Variants in KLHL5 observed in about 807,000 individuals in gnomAD.
KLHL5 encodes the protein kelch like family member 5, also known as kelch-like protein 5.
Under a neutral mutation model 77.7 loss-of-function variants are expected in KLHL5, and 48 were observed. The ratio of observed to expected loss-of-function variants is 0.62; its 90% CI spans 0.49 to 0.79. The LOEUF is 0.79. KLHL5 is among the 30% of genes least tolerant of loss of function. The probability of loss-of-function intolerance (pLI) is 0.00; values close to 1 mark genes in which losing one functional copy is unlikely to be tolerated. For synonymous variants in KLHL5, 260 were observed against 297.0 expected (o/e 0.88, Z 1.28); for missense variants, 723 against 859.7 (o/e 0.84, Z 1.99).
chr4:39,097,178 T>G (rs1721141008), intron 6 of KLHL5, among the ~76,000 whole-genome samples: 1 of 152,204 alleles, frequency 6.6e-6, no homozygotes, highest in South Asian at 2.1e-4. Flanking sequence ...ATCAGTAAGT[T>G]TCCACGGTTC....
the KLHL5 span, among the ~76,000 whole-genome samples, chr4:39,142,272 G>A: frequency 1.3e-5 from 2 of 152,040 alleles, no homozygotes; most frequent in African/African-American, 4.8e-5. Context: ...GCGGGCGCCT[G>A]TAATCCTAGC....
chr4:39,102,306 TG>T (rs1721643232), intron 6 of KLHL5, among the ~76,000 whole-genome samples: 1 of 151,416 alleles, frequency 6.6e-6, no homozygotes, highest in Non-Finnish European at 1.5e-5. Flanking sequence ...TAGAGGGTTT[TG>T]TTTTTTTTGT....
At chr4:39,131,243 AATTT>A (rs1560451460), downstream of KLHL5, among the ~76,000 whole-genome samples, 2 of 152,136 alleles carry the variant, frequency 1.3e-5, no homozygotes, top group Non-Finnish European at 1.5e-5. Context: ...CAAGATATAC[AATTT>A]AATTTATTTT....
intron 5 of KLHL5, among the ~76,000 whole-genome samples, chr4:39,092,502 A>T (rs1310364493): frequency 6.6e-6 from 1 of 152,210 alleles, no homozygotes; most frequent in African/African-American, 2.4e-5. Context: ...AATAGAATTA[A>T]CATAAACATT....
chr4:39,107,821 T>C (rs1722164380), intron 8 of KLHL5, 90 bp downstream of exon 8: 2 of 912,244 alleles, frequency 2.2e-6, no homozygotes, highest in South Asian at 5.1e-5. Flanking sequence ...ACATAAATAC[T>C]TACAGTGATT....
chr4:39,127,169 T>C (rs1210310656), downstream of KLHL5, among the ~76,000 whole-genome samples: 4 of 152,042 alleles, frequency 2.6e-5, no homozygotes, highest in African/African-American at 9.7e-5. Flanking sequence ...GACCCCTGTC[T>C]GTACTAAAAA....
At chr4:39,119,042 C>T (rs1156316084) in intron 10 of KLHL5, among the ~76,000 whole-genome samples, 1 of 152,088 alleles carries the variant, frequency 6.6e-6, no homozygotes, top group Non-Finnish European at 1.5e-5. Context: ...GAATGACACC[C>T]AAGGAGCTCA....
At chr4:39,053,837 A>T (rs575477769) in intron 1 of KLHL5, among the ~76,000 whole-genome samples, 1 of 152,322 alleles carries the variant, frequency 6.6e-6, no homozygotes, top group African/African-American at 2.4e-5. Flanking sequence ...ACTGATAGGT[A>T]GTTGTGGAAT....
chr4:39,139,470 CA>C, the KLHL5 span, among the ~76,000 whole-genome samples: 2 of 151,962 alleles, frequency 1.3e-5, no homozygotes, highest in Non-Finnish European at 2.9e-5. Flanking sequence ...ATTATGGGTG[CA>C]TGTCATTATG....
At chr4:39,057,649 A>G (rs1717093332), upstream of KLHL5, among the ~76,000 whole-genome samples, 1 of 152,342 alleles carries the variant, frequency 6.6e-6, no homozygotes, top group East Asian at 1.9e-4. Context: ...CTTCAAAATC[A>G]TGCAATGCAA....
rs1723458947 is a variant in KLHL5 at position 39,125,144 on chromosome 4, C to T, written c.*4078C>T. Among the ~76,000 whole-genome samples the T allele has an allele frequency of 6.8e-6, 1 of 146,196 alleles. No homozygotes were observed. Among genetic ancestry groups the T allele is most frequent in the Non-Finnish European group, 1.5e-5 (1 of 66,166 alleles). The stretch of plus-strand genomic sequence containing the variant: ...ACACCTATTAGAATGACGAAATAGA[C>T]CTAGGATCTAAACCTACAGGAAAAA... On this transcript the variant is annotated 3_prime_UTR_variant, in exon 11 of 11. Coordinates refer to ENST00000504108, the MANE Select transcript of KLHL5 (RefSeq NM_015990.5).
At position 39,103,290 on chromosome 4, in the gene KLHL5, C is replaced by G. The variant is rs1297119039; in HGVS notation, c.1304C>G (p.Ala435Gly). The part of the protein sequence containing the change: ...AVGGMDSTKG[A>G]TSIEKYDLRT... ...ACTTCTATATATTACTATGAAGGAGCAACAAGCATTGAAAAGTATGATCTC... is the reference window on the plus strand; with the variant it reads ...ACTTCTATATATTACTATGAAGGAGGAACAAGCATTGAAAAGTATGATCTC... The change falls in exon 7 of 11, where the codon GCA becomes GGA. Residue 435 changes from alanine (A) to glycine (G), a missense_variant. Ala to Gly is a moderately conservative substitution (Grantham distance 60). This residue lies in a region of KLHL5 where 288 missense variants were observed against 400.3 expected (regional missense o/e 0.72). Coordinates refer to ENST00000504108, the MANE Select transcript of KLHL5 (RefSeq NM_015990.5). 1 of 1,608,828 alleles carries G rather than the reference C, an allele frequency of 6.2e-7. No homozygotes were observed. The highest frequency in any genetic ancestry group is 1.3e-5 in the African/African-American group (1 of 74,668).
At chr4:39,098,751 A>C (rs1721293940) in intron 6 of KLHL5, among the ~76,000 whole-genome samples, 1 of 152,038 alleles carries the variant, frequency 6.6e-6, no homozygotes, top group Non-Finnish European at 1.5e-5. Context: ...CTTTTAGTAG[A>C]GATGGGGTTT....
intron 1 of KLHL5, among the ~76,000 whole-genome samples, chr4:39,075,723 T>C (rs1349633877): frequency 6.6e-6 from 1 of 152,186 alleles, no homozygotes; most frequent in Admixed American, 6.5e-5. Context: ...AAAAAGATAC[T>C]ACAAAGAATA....
chr4:39,052,921 G>T (rs1716761653), intron 1 of KLHL5, among the ~76,000 whole-genome samples: 1 of 152,168 alleles, frequency 6.6e-6, no homozygotes, highest in African/African-American at 2.4e-5. Flanking sequence ...TCTAATGCAT[G>T]ATTAACACTA....
At chr4:39,129,523 G>A (rs1723719458), downstream of KLHL5, among the ~76,000 whole-genome samples, 1 of 152,106 alleles carries the variant, frequency 6.6e-6, no homozygotes. This position sits in a 1 kb window ranked among gnomAD's most constrained non-coding sequence, Gnocchi z 4.2. Flanking sequence ...TTTTATTTCA[G>A]AGTTAGGGGG....
intron 8 of KLHL5, among the ~76,000 whole-genome samples, chr4:39,110,458 T>C (rs144274243): frequency 2.6e-4 from 39 of 152,252 alleles, no homozygotes; most frequent in Non-Finnish European, 1.8e-4. Flanking sequence ...TGCCAATTAC[T>C]TGCATTCCTT....
At chr4:39,046,036 CT>C (rs71192816) in intron 1 of KLHL5, among the ~76,000 whole-genome samples, 65,258 of 143,616 alleles carry the variant, frequency 0.45, 14,999 homozygotes, top group Middle Eastern at 0.56. Context: ...CCAATCATGA[CT>C]TTTTTTTTTT....
intron 8 of KLHL5, among the ~76,000 whole-genome samples, chr4:39,110,498 G>A (rs189776097): frequency 7.2e-5 from 11 of 151,970 alleles, no homozygotes; most frequent in East Asian, 3.9e-4. Context: ...TAGCTCTGTC[G>A]CCCAGGCTGG....
Sources: gnomAD v4.1 joint callset for allele counts (sites outside exome capture counted in the v4.1 genomes callset) on GRCh38, gnomAD v4.1.1 for gene constraint, gnomAD v4.1.1 regional missense constraint, Gnocchi (gnomAD v3.1) non-coding constraint, MANE v1.5 for transcripts, NCBI Gene and HGNC (gene_info 2026-07-23, HGNC 2026-07-21) for gene names.